The following PCM1 variants were observed in gnomAD, a reference collection of about 807,000 sequenced individuals.
PCM1 encodes pericentriolar material 1, also known as pericentriolar material 1 protein.
Under a neutral mutation model 241.9 loss-of-function variants are expected in PCM1, and 157 were observed. The observed-to-expected ratio is 0.65, with a 90% confidence interval of 0.57 to 0.74. PCM1 has a LOEUF of 0.74. PCM1 is among the 30% of genes least tolerant of loss of function. The probability of loss-of-function intolerance (pLI) is 0.00; values close to 1 mark genes in which losing one functional copy is unlikely to be tolerated. For missense variants in PCM1, 3,478 were observed against 2,360.1 expected (o/e 1.47, Z -9.81); for synonymous variants, 1,085 against 784.9 (o/e 1.38, Z -6.39).
rs373045412 is a variant in PCM1 at position 17,972,558 on chromosome 8, A to G, written c.3814A>G (p.Thr1272Ala). The G allele has an allele frequency of 1.2e-6, 2 of 1,613,704 alleles. No homozygotes were observed. Among genetic ancestry groups the G allele is most frequent in the African/African-American group, 2.7e-5 (2 of 74,942 alleles). The part of the protein sequence containing the change: ...SSMPDPVDPT[T>A]VTKTFKTRKA... ...TATGCCTGATCCAGTAGATCCAACAACAGTGACTAAAACATTCAAGACAAG... is the reference window on the plus strand; with the variant it reads ...TATGCCTGATCCAGTAGATCCAACAGCAGTGACTAAAACATTCAAGACAAG... Residue 1272 changes from threonine to alanine, a missense_variant, in exon 23 of 39, where the codon ACA becomes GCA. Transcript: ENST00000325083.
At chr8:17,987,925 G>A (rs1471698126) in intron 26 of PCM1, among the ~76,000 whole-genome samples, 2 of 151,762 alleles carry the variant, frequency 1.3e-5, no homozygotes, top group Non-Finnish European at 3.0e-5. Context: ...CAGATTCAGA[G>A]CCTCATTCTC....
chr8:18,009,477 C>T, intron 30 of PCM1, 70 bp from the exon 31 acceptor site: 1 of 1,008,514 alleles, frequency 9.9e-7, no homozygotes, highest in South Asian at 1.5e-5. Flanking sequence ...TTTTTCAGTA[C>T]TTAAAAGTAA....
In PCM1 at chr8:17,967,008, C is replaced by T. The variant is rs189580499; in HGVS notation, c.3250C>T (p.Arg1084Cys). Residue 1084 changes from arginine (R) to cysteine (C), a missense_variant, in exon 21 of 39, where the codon CGC (arginine) becomes TGC (cysteine). Coordinates refer to ENST00000325083, the MANE Select transcript of PCM1 (RefSeq NM_006197.4). Reference sequence around the variant, plus strand: ...GAAACAAATGCTAAATGAACTTATGCGCCAGCAAAATCAGCATCCAGAAAA... The same window carrying T: ...GAAACAAATGCTAAATGAACTTATGTGCCAGCAAAATCAGCATCCAGAAAA... ...RLKQMLNELM[R>C]QQNQHPEKPG... The T allele has an allele frequency of 3.4e-5, 54 of 1,607,280 alleles. No homozygotes were observed. Among genetic ancestry groups the T allele is most frequent in the South Asian group, 1.5e-4 (13 of 89,596 alleles).
chr8:17,978,143 A>G (rs1431093592), intron 23 of PCM1, among the ~76,000 whole-genome samples: 1 of 152,198 alleles, frequency 6.6e-6, no homozygotes, highest in Non-Finnish European at 1.5e-5. Context: ...ATTATTTAAA[A>G]AAGAGGACAC....
intron 29 of PCM1, among the ~76,000 whole-genome samples, chr8:18,000,673 A>T (rs1043204573): frequency 2.0e-5 from 3 of 152,068 alleles, no homozygotes; most frequent in African/African-American, 7.2e-5. Flanking sequence ...CCAGGCGGGA[A>T]TGCAGTGGCG....
chr8:17,968,600 A>C (rs1437512775), intron 21 of PCM1, among the ~76,000 whole-genome samples: 1 of 151,920 alleles, frequency 6.6e-6, no homozygotes, highest in East Asian at 1.9e-4. Flanking sequence ...GGAATATAGG[A>C]GGAGAAAAAA....
intron 29 of PCM1, among the ~76,000 whole-genome samples, chr8:18,001,194 A>G (rs1009402761): frequency 7.9e-5 from 12 of 152,222 alleles, no homozygotes; most frequent in African/African-American, 2.2e-4. Flanking sequence ...GATGGCTGCT[A>G]TGAGGTCAAG....
At position 17,953,095 on chromosome 8, in the gene PCM1, A is replaced by G. The variant is rs1042462358; in HGVS notation, c.1197A>G (p.Lys399=). 5 of 1,602,588 alleles carry G rather than the reference A, an allele frequency of 3.1e-6. No individual in the cohort carries two copies. In the African/African-American group the frequency reaches 6.7e-5, roughly 21 times the overall value. ...ATGAGAAAGTCGAACTTTTTAGCAAAATGAGAGTGCTACAGGAAAAGAAAC... is the reference window on the plus strand; with the variant it reads ...ATGAGAAAGTCGAACTTTTTAGCAAGATGAGAGTGCTACAGGAAAAGAAAC... The part of the protein sequence containing the change: ...LPDEKVELFS[K]MRVLQEKKQK... The change falls in exon 9 of 39, where the codon AAA becomes AAG. Residue 399 remains lysine (K), a synonymous_variant. Coordinates refer to ENST00000325083, the MANE Select transcript of PCM1 (RefSeq NM_006197.4).
chr8:17,931,134 CTAAT>C (rs2058892950), intron 2 of PCM1, among the ~76,000 whole-genome samples: 1 of 152,100 alleles, frequency 6.6e-6, no homozygotes. Context: ...TTTTCCCAAA[CTAAT>C]TAGAGTGTAC....
Position 18,029,690 on chromosome 8 carries a change from A to G in PCM1, c.*2028A>G, listed in dbSNP as rs1416959206. 5.0e-6 allele frequency: 1 copy of G among 198,238 alleles called. No homozygotes were observed. The highest frequency in any genetic ancestry group is 1.0e-5 in the Non-Finnish European group (1 of 95,882). 12.3% of individuals were successfully genotyped at this position (198,238 alleles called of 1,614,324 possible). On this transcript the variant is annotated 3_prime_UTR_variant, in exon 39 of 39. Transcript: ENST00000325083. Reference sequence around the variant, plus strand: ...GGTTTGAGAGCAGATATATTTATTTAATCTGTTTTCTCTAGTAACTATTGC... The same window carrying G: ...GGTTTGAGAGCAGATATATTTATTTGATCTGTTTTCTCTAGTAACTATTGC...
intron 10 of PCM1, chr8:17,956,012 A>G (rs1385161775): frequency 4.2e-6 from 1 of 239,780 alleles, no homozygotes; most frequent in Non-Finnish European, 8.1e-6. Flanking sequence ...CAAATAACTT[A>G]GCCTTACTAA....
At chr8:18,008,046 G>T (rs1455863560) in intron 30 of PCM1, among the ~76,000 whole-genome samples, 1 of 152,172 alleles carries the variant, frequency 6.6e-6, no homozygotes, top group Non-Finnish European at 1.5e-5. Flanking sequence ...AGTGTTGGAG[G>T]GATAGCTGCC....
At chr8:17,933,890 G>A (rs931218679) in intron 2 of PCM1, among the ~76,000 whole-genome samples, 2 of 151,590 alleles carry the variant, frequency 1.3e-5, no homozygotes, top group Non-Finnish European at 2.9e-5. Flanking sequence ...CTTATTTTAA[G>A]CATAATGTTG....
chr8:17,997,472 A>G (rs183384426), intron 29 of PCM1, among the ~76,000 whole-genome samples: 20 of 152,078 alleles, frequency 1.3e-4, no homozygotes, highest in Admixed American at 1.2e-3. Flanking sequence ...TAAGGCCAAT[A>G]ACTTAGATTT....
intron 7 of PCM1, 25 bp downstream of exon 7, chr8:17,947,388 T>C: frequency 6.6e-7 from 1 of 1,505,208 alleles, no homozygotes; most frequent in Non-Finnish European, 9.0e-7. Flanking sequence ...GAGAATATTC[T>C]TTTTGTAAGG....
chr8:18,000,420 C>T (rs906447290), intron 29 of PCM1, among the ~76,000 whole-genome samples: 4 of 152,132 alleles, frequency 2.6e-5, no homozygotes, highest in South Asian at 2.1e-4. Flanking sequence ...GTCAGGAGTG[C>T]AGTGAGATCA....
At chr8:17,983,479 G>T (rs956916009) in intron 24 of PCM1, among the ~76,000 whole-genome samples, 1 of 151,934 alleles carries the variant, frequency 6.6e-6, no homozygotes. Context: ...GGTAAAATTT[G>T]CTGCTTTTGT....
intron 24 of PCM1, among the ~76,000 whole-genome samples, chr8:17,984,687 A>T (rs567695315): frequency 6.6e-6 from 1 of 151,946 alleles, no homozygotes; most frequent in Non-Finnish European, 1.5e-5. Flanking sequence ...TGAAAGCGCA[A>T]TGTATTAAGA....
Position 17,991,539 on chromosome 8 carries a change from T to C in PCM1, c.4532-3T>C. The C allele has an allele frequency of 1.3e-6, 2 of 1,586,040 alleles. No homozygotes were observed. Among genetic ancestry groups the C allele is most frequent in the Non-Finnish European group, 1.7e-6 (2 of 1,164,816 alleles). ...TCAAAAAATATTTTTGTTCCAAATG[T>C]AGGTAACACCGTGATTCACTTAGAT... On this transcript the variant is annotated splice_region_variant and splice_polypyrimidine_tract_variant and intron_variant, in intron 27 of 38. Transcript: ENST00000325083.
Sources: allele counts gnomAD v4.1 joint callset (sites outside exome capture counted in the v4.1 genomes callset), GRCh38; gene constraint gnomAD v4.1.1; transcripts MANE v1.5; gene names NCBI Gene and HGNC (gene_info 2026-07-23, HGNC 2026-07-21).